IMMP2L: variants seen among roughly 807,000 people sequenced by gnomAD.
IMMP2L encodes mitochondrial inner membrane protease subunit 2.
Under a neutral mutation model 19.3 loss-of-function variants are expected in IMMP2L, and 18 were observed. That is an observed-to-expected ratio of 0.93 (90% CI 0.64 to 1.38). IMMP2L has a LOEUF of 1.38. Ranked by LOEUF, IMMP2L falls within the 40% of genes most tolerant of loss-of-function variation. The probability of loss-of-function intolerance (pLI) is 0.00; values close to 1 mark genes in which losing one functional copy is unlikely to be tolerated. For synonymous variants in IMMP2L, 76 were observed against 73.0 expected (o/e 1.04, Z -0.21); for missense variants, 233 against 218.2 (o/e 1.07, Z -0.43).
chr7:111,268,849 C>G (rs1435113861), intron 3 of IMMP2L, among the ~76,000 whole-genome samples: 1 of 151,988 alleles, frequency 6.6e-6, no homozygotes, highest in East Asian at 1.9e-4. Context: ...ATCCTCCTAT[C>G]TCAGCCTTCC....
intron 3 of IMMP2L, among the ~76,000 whole-genome samples, chr7:111,072,564 G>T (rs1440434437): frequency 2.0e-5 from 3 of 150,854 alleles, no homozygotes; most frequent in Admixed American, 6.6e-5. Context: ...AAAAAAGTCA[G>T]CATGACAAAA....
intron 1 of IMMP2L, among the ~76,000 whole-genome samples, chr7:111,534,837 T>A (rs917569053): frequency 2.0e-4 from 30 of 152,146 alleles, no homozygotes; most frequent in Non-Finnish European, 4.1e-4. Context: ...AGGCTGAGCA[T>A]ACCAACGAAG....
intron 3 of IMMP2L, among the ~76,000 whole-genome samples, chr7:111,414,395 T>C (rs1834762083): frequency 1.3e-5 from 2 of 151,928 alleles, no homozygotes; most frequent in Admixed American, 6.6e-5. Context: ...TTAGCCAGCA[T>C]ACTGCTGAAA....
At chr7:110,741,591 T>G (rs1248119049) in intron 5 of IMMP2L, among the ~76,000 whole-genome samples, 1 of 152,226 alleles carries the variant, frequency 6.6e-6, no homozygotes, top group Non-Finnish European at 1.5e-5. Flanking sequence ...TGCCATGATC[T>G]TGGACTTGCC....
At chr7:111,283,970 C>CA (rs972346409) in intron 3 of IMMP2L, among the ~76,000 whole-genome samples, 3,554 of 47,242 alleles carry the variant, frequency 0.075, 206 homozygotes, top group African/African-American at 0.14. Context: ...GACTCCGTCT[C>CA]AAAAAAAAAA....
At chr7:111,308,978 T>C (rs909740422) in intron 3 of IMMP2L, among the ~76,000 whole-genome samples, 1 of 152,126 alleles carries the variant, frequency 6.6e-6, no homozygotes, top group South Asian at 2.1e-4. Flanking sequence ...TCAGCTGAGC[T>C]TGTAATGCTT....
chr7:111,045,263 C>T (rs1792286729), intron 3 of IMMP2L, among the ~76,000 whole-genome samples: 1 of 152,306 alleles, frequency 6.6e-6, no homozygotes, highest in East Asian at 1.9e-4. Flanking sequence ...CAGACTCAAT[C>T]CATTAGTAAA....
chr7:111,251,727 G>A (rs138130626), intron 3 of IMMP2L, among the ~76,000 whole-genome samples: 13 of 152,004 alleles, frequency 8.6e-5, no homozygotes, highest in East Asian at 5.8e-4. Flanking sequence ...GGAATACCAC[G>A]AACTGGGGCC....
chr7:110,721,124 A>C (rs1326236510), intron 5 of IMMP2L, among the ~76,000 whole-genome samples: 1 of 152,016 alleles, frequency 6.6e-6, no homozygotes, highest in East Asian at 1.9e-4. Flanking sequence ...TCCTACATCT[A>C]GTATCATCAC....
At chr7:110,690,919 C>A (rs1455367078) in intron 5 of IMMP2L, among the ~76,000 whole-genome samples, 2 of 151,976 alleles carry the variant, frequency 1.3e-5, no homozygotes, top group East Asian at 3.9e-4. Context: ...AGATTGAATG[C>A]AATCCACATC....
At chr7:111,289,106 G>A (rs552767262) in intron 3 of IMMP2L, among the ~76,000 whole-genome samples, 43 of 152,154 alleles carry the variant, frequency 2.8e-4, no homozygotes, top group African/African-American at 8.9e-4. Flanking sequence ...GGATGAGTTC[G>A]TGTCCTTTGC....
intron 3 of IMMP2L, among the ~76,000 whole-genome samples, chr7:111,155,426 C>G (rs980966635): frequency 6.6e-6 from 1 of 152,048 alleles, no homozygotes. Context: ...CTATTTAGAT[C>G]TTCTCTGGGT....
chr7:111,395,075 T>G (rs1022826134), intron 3 of IMMP2L: 1 of 191,382 alleles, frequency 5.2e-6, no homozygotes, highest in East Asian at 1.4e-4. Context: ...ACCATTCATG[T>G]GAACATGAGA....
chr7:110,720,986 A>G (rs1298433798), intron 5 of IMMP2L, among the ~76,000 whole-genome samples: 1 of 93,346 alleles, frequency 1.1e-5, no homozygotes, highest in South Asian at 3.1e-4. Context: ...GCTTCTCCCC[A>G]CCCCCTCCCC....
chr7:110,726,235 C>T (rs959945024), intron 5 of IMMP2L, among the ~76,000 whole-genome samples: 1 of 152,202 alleles, frequency 6.6e-6, no homozygotes, highest in African/African-American at 2.4e-5. Context: ...TCTTCAAACA[C>T]TGGGCTCCTT....
At chr7:111,219,126 T>C (rs1193944597) in intron 3 of IMMP2L, among the ~76,000 whole-genome samples, 3 of 152,026 alleles carry the variant, frequency 2.0e-5, no homozygotes, top group Admixed American at 6.6e-5. Flanking sequence ...ACTATTTGGG[T>C]TTAGCTGTTT....
At chr7:110,880,286 T>C (rs1053579501) in intron 5 of IMMP2L, among the ~76,000 whole-genome samples, 2 of 152,046 alleles carry the variant, frequency 1.3e-5, no homozygotes, top group African/African-American at 4.8e-5. Flanking sequence ...AAAATCAAAC[T>C]GATCTTTTTC....
At chr7:111,212,220 G>T (rs994061719) in intron 3 of IMMP2L, among the ~76,000 whole-genome samples, 9 of 152,016 alleles carry the variant, frequency 5.9e-5, no homozygotes, top group Non-Finnish European at 1.0e-4. Flanking sequence ...TTATAAGGAA[G>T]AGTCAGGGAA....
chr7:110,996,242 T>C (rs1823013900), intron 3 of IMMP2L, among the ~76,000 whole-genome samples: 2 of 152,084 alleles, frequency 1.3e-5, no homozygotes, highest in East Asian at 1.9e-4. Context: ...ATATTATAGC[T>C]AAGATATGAA....
Sources: allele counts gnomAD v4.1 joint callset (sites outside exome capture counted in the v4.1 genomes callset), GRCh38; gene constraint gnomAD v4.1.1; transcripts MANE v1.5; gene names NCBI Gene and HGNC (gene_info 2026-07-23, HGNC 2026-07-21).